The following SCARA3 variants were observed in gnomAD, a reference collection of about 807,000 sequenced individuals.
SCARA3 encodes the protein cellular stress response gene protein.
A neutral mutation model predicts 47.0 loss-of-function variants in SCARA3; 39 were observed. The ratio of observed to expected loss-of-function variants is 0.83; its 90% CI spans 0.64 to 1.08. The LOEUF (loss-of-function observed/expected upper bound fraction) is 1.08, where lower values mean the gene tolerates loss of function less well. SCARA3 is among the 50% of genes least tolerant of loss of function. The pLI, the probability that SCARA3 is intolerant of heterozygous loss-of-function variation, is 0.00. For missense variants in SCARA3, 724 were observed against 792.3 expected (o/e 0.91, Z 1.04); for synonymous variants, 356 against 334.1 (o/e 1.07, Z -0.71).
In SCARA3 at chr8:27,659,016, C is replaced by G. The variant is rs144766635; in HGVS notation, c.846C>G (p.Thr282=). Residue 282 remains threonine, a synonymous_variant, in exon 5 of 6, where the codon ACC becomes ACG. Coordinates refer to ENST00000301904, the MANE Select transcript of SCARA3 (RefSeq NM_016240.3). ...AGGCGGTCAAGAACATCCAGGCCAC[C>G]CTGGGGGCCTCCTCACAGCGCATCA... The part of the protein sequence containing the change: ...TGEAVKNIQA[T]LGASSQRISQ... The G allele has an allele frequency of 4.3e-6, 7 of 1,614,068 alleles. No homozygotes were observed. In the East Asian group the frequency reaches 1.3e-4, roughly 31 times the overall value.
In SCARA3 at chr8:27,671,452, A is replaced by T. The variant is rs1193982527; in HGVS notation, c.*101A>T. 7.6e-7 allele frequency: 1 copy of T among 1,322,018 alleles called. No individual in the cohort carries two copies. The highest frequency in any genetic ancestry group is 9.6e-7 in the Non-Finnish European group (1 of 1,041,618). The allele number at this position is 1,322,018 out of a possible 1,614,324, so 81.9% of individuals were successfully genotyped here. On this transcript the variant is annotated 3_prime_UTR_variant, in exon 6 of 6. Transcript: ENST00000301904. ...ACCTACAGACAGCTGTGGTCCTCTGATTCCAATGAGGGGGCTCCCCAGGGC... is the reference window on the plus strand; with the variant it reads ...ACCTACAGACAGCTGTGGTCCTCTGTTTCCAATGAGGGGGCTCCCCAGGGC...
At position 27,670,893 on chromosome 8, in the gene SCARA3, A is replaced by G. The variant is rs1284573575; in HGVS notation, c.1370-7A>G. ...ACTGACCTCTCCCATCTTCTCTCCA[A>G]CCTCAGGTGCCCCCGGCCCTCCAGG... On this transcript the variant is annotated splice_polypyrimidine_tract_variant and splice_region_variant and intron_variant, in intron 5 of 5. Coordinates refer to ENST00000301904, the MANE Select transcript of SCARA3 (RefSeq NM_016240.3). 1 of 1,516,992 alleles carries G rather than the reference A, an allele frequency of 6.6e-7. No individual in the cohort carries two copies. The highest frequency in any genetic ancestry group is 2.3e-5 in the Admixed American group (1 of 43,504). 94.0% of individuals were successfully genotyped at this position (1,516,992 alleles called of 1,614,324 possible).
the SCARA3 span, among the ~76,000 whole-genome samples, chr8:27,691,040 G>A: frequency 3.3e-3 from 498 of 152,188 alleles, 5 homozygotes; most frequent in African/African-American, 9.8e-3. Context: ...GTAAAAGCCT[G>A]GTAATAGCAT....
chr8:27,665,716 C>A (rs1052592240), intron 5 of SCARA3, among the ~76,000 whole-genome samples: 16 of 152,170 alleles, frequency 1.1e-4, no homozygotes, highest in African/African-American at 3.9e-4. Flanking sequence ...AATATTAATG[C>A]CTTTCCTGCC....
the SCARA3 span, among the ~76,000 whole-genome samples, chr8:27,704,953 T>C: frequency 6.6e-6 from 1 of 152,202 alleles, no homozygotes; most frequent in East Asian, 1.9e-4. Context: ...AGTGGATGTT[T>C]GCTTCAGAAG....
At chr8:27,710,084 G>A in the SCARA3 span, among the ~76,000 whole-genome samples, 3 of 152,166 alleles carry the variant, frequency 2.0e-5, no homozygotes, top group Admixed American at 2.0e-4. Context: ...CAAAAAATTA[G>A]TAGGGTGTGG....
chr8:27,707,480 C>CA, the SCARA3 span, among the ~76,000 whole-genome samples: 146,258 of 149,182 alleles, frequency 0.98, 71,751 homozygotes, highest in Non-Finnish European at 1. Flanking sequence ...ATTAATAAGT[C>CA]AAAAAAAAAC....
chr8:27,662,798 G>C (rs1394501760), intron 5 of SCARA3, among the ~76,000 whole-genome samples: 2 of 152,184 alleles, frequency 1.3e-5, no homozygotes. Context: ...TTAAGCCCAT[G>C]GGTAACCTCC....
Position 27,671,703 on chromosome 8 carries a change from C to T in SCARA3, c.*352C>T, listed in dbSNP as rs540287153. The T allele has an allele frequency of 3.7e-6, 4 of 1,067,692 alleles. No individual in the cohort carries two copies. The South Asian group carries it at 1.8e-4, about 48-fold the overall frequency. 66.1% of individuals were successfully genotyped at this position (1,067,692 alleles called of 1,614,324 possible). On this transcript the variant is annotated 3_prime_UTR_variant, in exon 6 of 6. Coordinates refer to ENST00000301904, the MANE Select transcript of SCARA3 (RefSeq NM_016240.3). ...ACACGTGCACACATACACAGGCACA[C>T]ATGCATGCACACATACACATGCACA...
chr8:27,638,136 C>T (rs372272364), intron 1 of SCARA3, among the ~76,000 whole-genome samples: 1 of 152,134 alleles, frequency 6.6e-6, no homozygotes, highest in African/African-American at 2.4e-5. Context: ...TCCCAAGGCT[C>T]ATCGAGAGCG....
downstream of SCARA3, among the ~76,000 whole-genome samples, chr8:27,674,284 G>A (rs1802228580): frequency 6.6e-6 from 1 of 152,178 alleles, no homozygotes; most frequent in Admixed American, 6.5e-5. Flanking sequence ...GTGAATGGAT[G>A]AAACCCACCT....
chr8:27,662,945 C>T (rs889194139), intron 5 of SCARA3, among the ~76,000 whole-genome samples: 1 of 152,214 alleles, frequency 6.6e-6, no homozygotes, highest in African/African-American at 2.4e-5. Context: ...GCTGGGGTCA[C>T]CCTTTGGTGA....
chr8:27,637,711 C>T (rs549812429), intron 1 of SCARA3, among the ~76,000 whole-genome samples: 2 of 151,992 alleles, frequency 1.3e-5, no homozygotes, highest in Admixed American at 1.3e-4. Flanking sequence ...GGAGAAACAA[C>T]CCCTCCTTCC....
chr8:27,677,641 A>G (rs993112470), downstream of SCARA3, among the ~76,000 whole-genome samples: 8 of 152,356 alleles, frequency 5.3e-5, no homozygotes, highest in African/African-American at 1.9e-4. Flanking sequence ...AATTGATAGA[A>G]TAAGTAAACA....
intron 1 of SCARA3, among the ~76,000 whole-genome samples, chr8:27,645,306 C>T (rs145881048): frequency 1.4e-3 from 217 of 152,342 alleles, no homozygotes; most frequent in African/African-American, 5.0e-3. Context: ...AAGACATAGG[C>T]CTTCGCCGAG....
chr8:27,728,044 G>A, the SCARA3 span, among the ~76,000 whole-genome samples: 2 of 152,230 alleles, frequency 1.3e-5, no homozygotes, highest in Admixed American at 6.5e-5. Flanking sequence ...CTTAAGGCAG[G>A]ACACAAGCTA....
chr8:27,679,201 A>ATACTTACTTACT (rs57559111), downstream of SCARA3, among the ~76,000 whole-genome samples: 28 of 150,860 alleles, frequency 1.9e-4, no homozygotes, highest in East Asian at 3.9e-4. Flanking sequence ...ATACCACAAT[A>ATACTTACTTACT]TACTTACTTA....
chr8:27,701,098 A>C, the SCARA3 span: 1 of 152,012 alleles, frequency 6.6e-6, no homozygotes, highest in Non-Finnish European at 1.5e-5. Flanking sequence ...TAAAAAAAAA[A>C]CAAAAAAACT....
chr8:27,695,971 C>A, the SCARA3 span, among the ~76,000 whole-genome samples: 1 of 151,840 alleles, frequency 6.6e-6, no homozygotes, highest in East Asian at 1.9e-4. Context: ...TGCACTTATG[C>A]ACCTACTACT....
Sources: gnomAD v4.1 joint callset for allele counts (sites outside exome capture counted in the v4.1 genomes callset) on GRCh38, gnomAD v4.1.1 for gene constraint, MANE v1.5 for transcripts, NCBI Gene and HGNC (gene_info 2026-07-23, HGNC 2026-07-21) for gene names.